Variants in CHD1L observed in about 807,000 individuals in gnomAD.
CHD1L encodes chromodomain helicase DNA binding protein 1 like, also known as ATP-dependent chromatin remodeler CHD1L.
CHD1L carries 118 observed loss-of-function variants against 115.9 expected under a neutral mutation model. That is an observed-to-expected ratio of 1.02 (90% CI 0.88 to 1.19). CHD1L has a LOEUF of 1.19. CHD1L is among the 50% of genes most tolerant of loss of function. The pLI is 0.00. For missense variants in CHD1L, 1,179 were observed against 1,065.3 expected (o/e 1.11, Z -1.49); for synonymous variants, 411 against 387.1 (o/e 1.06, Z -0.72).
At chr1:147,286,931 TCA>T (rs1683374773) in intron 18 of CHD1L, among the ~76,000 whole-genome samples, 1 of 151,932 alleles carries the variant, frequency 6.6e-6, no homozygotes, top group Non-Finnish European at 1.5e-5. Context: ...TGTCTGTTTC[TCA>T]GAGAGGTCTT....
chr1:147,186,997 C>T, the CHD1L span: 1 of 1,614,038 alleles, frequency 6.2e-7, no homozygotes, highest in African/African-American at 1.3e-5. Flanking sequence ...TTCAACTACT[C>T]TTGTCATCAG....
chr1:147,227,655 C>T, the CHD1L span, among the ~76,000 whole-genome samples: 4 of 152,182 alleles, frequency 2.6e-5, no homozygotes, highest in Admixed American at 6.5e-5. Flanking sequence ...GTTACTCATG[C>T]TATTACTAGA....
At chr1:147,287,204 G>C (rs1553966703) in intron 18 of CHD1L, among the ~76,000 whole-genome samples, 1 of 152,156 alleles carries the variant, frequency 6.6e-6, no homozygotes, top group East Asian at 1.9e-4. Flanking sequence ...GACTATAAAT[G>C]CTAAGATACT....
At chr1:147,258,742 C>T (rs782767365) in intron 5 of CHD1L, 1 of 152,136 alleles carries the variant, frequency 6.6e-6, no homozygotes, top group Non-Finnish European at 1.5e-5. Flanking sequence ...CAAGATCTTT[C>T]TCTAATTTTG....
Position 147,293,711 on chromosome 1 carries a change from AAAAG to A in CHD1L, c.2498_2501del (p.Lys833ArgfsTer75). Reference sequence around the variant, plus strand: ...CTGAAGAAGATATTTTTAGCAGCAAAAAAGAAGAAAGGTAAGCTCTTCCACCTGT... The same window carrying A: ...CTGAAGAAGATATTTTTAGCAGCAAAAAGAAAGGTAAGCTCTTCCACCTGT... On this transcript the variant is annotated frameshift_variant, in exon 21 of 23. Coordinates refer to ENST00000369258, the MANE Select transcript of CHD1L (RefSeq NM_004284.6). LOFTEE classifies it high-confidence loss of function. The A allele has an allele frequency of 6.2e-7, 1 of 1,613,464 alleles. No homozygotes were observed. The highest frequency in any genetic ancestry group is 8.5e-7 in the Non-Finnish European group (1 of 1,179,380).
chr1:147,189,533 T>TC, the CHD1L span, among the ~76,000 whole-genome samples: 1 of 152,150 alleles, frequency 6.6e-6, no homozygotes, highest in Non-Finnish European at 1.5e-5. Context: ...ATTGTGTCTC[T>TC]CAGTTTTCCA....
At chr1:147,197,463 G>T in the CHD1L span, among the ~76,000 whole-genome samples, 1 of 152,046 alleles carries the variant, frequency 6.6e-6, no homozygotes, top group Non-Finnish European at 1.5e-5. Flanking sequence ...TGAATTTTGG[G>T]TCCCACAATC....
At chr1:147,184,135 A>G in the CHD1L span, among the ~76,000 whole-genome samples, 1 of 152,200 alleles carries the variant, frequency 6.6e-6, no homozygotes, top group East Asian at 1.9e-4. This position sits in a 1 kb window ranked among gnomAD's most constrained non-coding sequence, Gnocchi z 4.4. Flanking sequence ...AATTTGAATG[A>G]CTTGTACTAG....
At chr1:147,210,372 C>G in the CHD1L span, 1 of 152,236 alleles carries the variant, frequency 6.6e-6, no homozygotes, top group African/African-American at 2.4e-5. Flanking sequence ...AAAAGAATCA[C>G]TTTTCCTACA....
At chr1:147,212,292 A>G in the CHD1L span, 2 of 1,210,428 alleles carry the variant, frequency 1.7e-6, no homozygotes, top group Non-Finnish European at 2.4e-6. Context: ...CTGAAGGGCT[A>G]TGTGCAGGTA....
chr1:147,276,659 C>T (rs782602385), intron 14 of CHD1L, among the ~76,000 whole-genome samples: 6 of 152,070 alleles, frequency 3.9e-5, no homozygotes, highest in African/African-American at 7.2e-5. Flanking sequence ...CAGAAGAGGG[C>T]GAATGAGATC....
intron 17 of CHD1L, 93 bp downstream of exon 17, chr1:147,285,580 A>C: frequency 7.4e-7 from 1 of 1,353,140 alleles, no homozygotes; most frequent in South Asian, 1.7e-5. Flanking sequence ...AAAATACAGA[A>C]AATTCATTTT....
chr1:147,232,965 C>G, the CHD1L span, among the ~76,000 whole-genome samples: 3 of 152,022 alleles, frequency 2.0e-5, no homozygotes, highest in African/African-American at 7.3e-5. Flanking sequence ...CACCCATCGT[C>G]TGGGACATGA....
In CHD1L at chr1:147,293,712, AAAG is replaced by A. The variant is rs782790577; in HGVS notation, c.2502_2504del (p.Lys835del). 5 of 1,613,126 alleles carry A rather than the reference AAAG, an allele frequency of 3.1e-6. No individual in the cohort carries two copies. Among genetic ancestry groups the A allele is most frequent in the East Asian group, 2.2e-5 (1 of 44,896 alleles). ...TGAAGAAGATATTTTTAGCAGCAAA[AAAG>A]AAGAAAGGTAAGCTCTTCCACCTGT... On this transcript the variant is annotated inframe_deletion, in exon 21 of 23. Transcript: ENST00000369258.
chr1:147,268,653 G>A (rs1674911011), intron 9 of CHD1L, 129 bp from the exon 10 acceptor site: 3 of 643,216 alleles, frequency 4.7e-6, no homozygotes, highest in South Asian at 1.8e-5. Flanking sequence ...TTGGTGTTAA[G>A]CAGGACTGAG....
chr1:147,228,941 T>G, the CHD1L span, among the ~76,000 whole-genome samples: 1 of 152,210 alleles, frequency 6.6e-6, no homozygotes, highest in Non-Finnish European at 1.5e-5. Flanking sequence ...TGCAAAAATT[T>G]TCTCCCATTC....
chr1:147,255,754 G>A, intron 3 of CHD1L, 59 bp from the exon 4 acceptor site: 1 of 1,204,576 alleles, frequency 8.3e-7, no homozygotes, highest in Admixed American at 1.9e-5. Flanking sequence ...TTCCAGATAT[G>A]CACATCCTGT....
chr1:147,201,011 A>G, the CHD1L span: 2 of 669,906 alleles, frequency 3.0e-6, no homozygotes, highest in Admixed American at 3.1e-5. Flanking sequence ...GATTCACTCA[A>G]AAATATATTT....
the CHD1L span, among the ~76,000 whole-genome samples, chr1:147,214,424 C>T: frequency 6.7e-6 from 1 of 149,508 alleles, no homozygotes; most frequent in Admixed American, 6.7e-5. Context: ...GTACTCCAGC[C>T]TGGGCAACAG....
Sources: gnomAD v4.1 joint callset for allele counts (sites outside exome capture counted in the v4.1 genomes callset) on GRCh38, gnomAD v4.1.1 for gene constraint, Gnocchi (gnomAD v3.1) non-coding constraint, MANE v1.5 for transcripts, NCBI Gene and HGNC (gene_info 2026-07-23, HGNC 2026-07-21) for gene names.